The following DPYSL5 variants were observed in gnomAD, a reference collection of about 807,000 sequenced individuals.
DPYSL5 encodes the protein dihydropyrimidinase-related protein 5.
DPYSL5 carries 9 observed loss-of-function variants against 58.4 expected under a neutral mutation model. The ratio of observed to expected loss-of-function variants is 0.15; its 90% CI spans 0.09 to 0.27. DPYSL5 has a LOEUF of 0.27. Ranked by LOEUF, DPYSL5 falls within the 10% of genes least tolerant of loss-of-function variation. The pLI is 1.00. For missense variants in DPYSL5, 499 were observed against 770.6 expected (o/e 0.65, Z 4.17); for synonymous variants, 293 against 301.9 (o/e 0.97, Z 0.31).
intron 1 of DPYSL5, among the ~76,000 whole-genome samples, chr2:26,873,186 G>T (rs867979590): frequency 3.3e-5 from 5 of 152,010 alleles, no homozygotes; most frequent in Non-Finnish European, 5.9e-5. Flanking sequence ...CATTGTTGAG[G>T]TATAATTTAT....
chr2:26,881,961 G>T (rs1161493898), intron 1 of DPYSL5, among the ~76,000 whole-genome samples: 1 of 151,686 alleles, frequency 6.6e-6, no homozygotes, highest in Non-Finnish European at 1.5e-5. Flanking sequence ...CATGGTGGTG[G>T]GCACCTGCAG....
chr2:26,858,671 C>A (rs904590884), intron 1 of DPYSL5, among the ~76,000 whole-genome samples: 1 of 151,180 alleles, frequency 6.6e-6, no homozygotes, highest in African/African-American at 2.4e-5. Flanking sequence ...TCAAGCAATC[C>A]TCTCACCTCA....
At position 26,924,956 on chromosome 2, in the gene DPYSL5, G is replaced by A. The variant is rs773199523; in HGVS notation, c.331G>A (p.Asp111Asn). 2 of 1,614,164 alleles carry A rather than the reference G, an allele frequency of 1.2e-6. No individual in the cohort carries two copies. The highest frequency in any genetic ancestry group is 2.2e-5 in the South Asian group (2 of 91,080). The change falls in exon 3 of 13, where the codon GAC (aspartate) becomes AAC (asparagine). Residue 111 changes from aspartate (D) to asparagine (N), a missense_variant. Around this residue, in one of 3 missense-constraint regions of DPYSL5, gnomAD observed 404 missense variants for 647.6 expected, o/e 0.62. Coordinates refer to ENST00000288699, the MANE Select transcript of DPYSL5 (RefSeq NM_020134.4). This position sits in a 1 kb window ranked among gnomAD's most constrained non-coding sequence, Gnocchi z 4.7. Reference sequence around the variant, plus strand: ...GCCCGACAAGGAGACCTCCCTTGTGGACGCTTATGAGAAGTGCCGAGGTCT... The same window carrying A: ...GCCCGACAAGGAGACCTCCCTTGTGAACGCTTATGAGAAGTGCCGAGGTCT... Reference protein sequence around the residue: ...VLPDKETSLVDAYEKCRGLAD... With the variant: ...VLPDKETSLVNAYEKCRGLAD...
intron 8 of DPYSL5, among the ~76,000 whole-genome samples, chr2:26,937,095 C>T (rs1665199638): frequency 6.6e-6 from 1 of 152,040 alleles, no homozygotes. Flanking sequence ...CTGCTTGCTA[C>T]AAGCAAATTT....
At chr2:26,863,669 G>T (rs1235235803) in intron 1 of DPYSL5, among the ~76,000 whole-genome samples, 1 of 152,002 alleles carries the variant, frequency 6.6e-6, no homozygotes, top group Non-Finnish European at 1.5e-5. Flanking sequence ...CCACATTTTT[G>T]CCACCCCAAA....
intron 1 of DPYSL5, among the ~76,000 whole-genome samples, chr2:26,865,116 C>T (rs1666108771): frequency 6.6e-6 from 1 of 152,082 alleles, no homozygotes; most frequent in Non-Finnish European, 1.5e-5. Context: ...AAACTGTGTG[C>T]ATAAATGCAA....
Position 26,884,520 on chromosome 2 carries a change from TCACACACACACA to T in DPYSL5, c.-4-13952_-4-13941del, listed in dbSNP as rs3070961. Among the ~76,000 whole-genome samples, 16 of 145,632 alleles carry T rather than the reference TCACACACACACA, an allele frequency of 1.1e-4. No homozygotes were observed. The East Asian group carries it at 1.6e-3, about 15-fold the overall frequency. On this transcript the variant is annotated intron_variant, in intron 1 of 12. Transcript: ENST00000288699. ...AACGCACAGCTAAGCTTGTCCTATCTCACACACACACACACACACACACACACACACACACTC... is the reference window on the plus strand; with the variant it reads ...AACGCACAGCTAAGCTTGTCCTATCTCACACACACACACACACACACACTC...
At position 26,925,678 on chromosome 2, in the gene DPYSL5, G is replaced by A. The variant is rs1048124734; in HGVS notation, c.420+633G>A. Reference sequence around the variant, plus strand: ...CCTCTGGCTTTCCTGTCCTCCCCCTGCCCAGGCCCCAGGGTCAGAGTCCAG... The same window carrying A: ...CCTCTGGCTTTCCTGTCCTCCCCCTACCCAGGCCCCAGGGTCAGAGTCCAG... On this transcript the variant is annotated intron_variant, in intron 3 of 12. Transcript: ENST00000288699. This position sits in a 1 kb window ranked among gnomAD's most constrained non-coding sequence, Gnocchi z 4.5. 6.6e-6 allele frequency among the ~76,000 whole-genome samples: 1 copy of A among 152,084 alleles called. No homozygotes were observed. The highest frequency in any genetic ancestry group is 1.5e-5 in the Non-Finnish European group (1 of 68,018).
chr2:26,935,711 T>C (rs1029768104), intron 8 of DPYSL5, among the ~76,000 whole-genome samples: 1 of 120,432 alleles, frequency 8.3e-6, no homozygotes, highest in Non-Finnish European at 1.8e-5. Context: ...AAAAAAAAAA[T>C]TGGGGGAGAA....
chr2:26,931,035 A>G (rs1664958908), intron 5 of DPYSL5, among the ~76,000 whole-genome samples: 1 of 148,378 alleles, frequency 6.7e-6, no homozygotes, highest in Non-Finnish European at 1.5e-5. Flanking sequence ...GCTGCTCAGG[A>G]GTCTGAGGTG....
At chr2:26,866,681 CTAT>C (rs1286008815) in intron 1 of DPYSL5, among the ~76,000 whole-genome samples, 1 of 151,650 alleles carries the variant, frequency 6.6e-6, no homozygotes, top group African/African-American at 2.4e-5. Flanking sequence ...ATATGTACAA[CTAT>C]GATATATCCA....
chr2:26,904,108 C>A (rs1369496166), intron 2 of DPYSL5, among the ~76,000 whole-genome samples: 1 of 152,202 alleles, frequency 6.6e-6, no homozygotes, highest in Non-Finnish European at 1.5e-5. Context: ...TAGGGGACAG[C>A]CAGTCTCGCA....
chr2:26,945,535 C>T (rs1173167897), intron 12 of DPYSL5, among the ~76,000 whole-genome samples: 3 of 146,358 alleles, frequency 2.0e-5, no homozygotes, highest in South Asian at 2.3e-4. Context: ...CATCACCATG[C>T]GAGCCACGGG....
rs1003585490 is a variant in DPYSL5, at chr2:26,924,214, A to T, written c.262-673A>T. On this transcript the variant is annotated intron_variant, in intron 2 of 12. Transcript: ENST00000288699. The surrounding 1 kb of genome is among the most constrained non-coding windows in gnomAD (Gnocchi z 4.7). ...GGAGTTGTGAATAGGATCCGTTTTC[A>T]CTGATAAATCACACATGCATCTAAA... 4.6e-5 allele frequency among the ~76,000 whole-genome samples: 7 copies of T among 152,190 alleles called. No individual in the cohort carries two copies. Among genetic ancestry groups the T allele is most frequent in the African/African-American group, 1.7e-4 (7 of 41,446 alleles).
At chr2:26,885,177 T>C (rs1338674340) in intron 1 of DPYSL5, among the ~76,000 whole-genome samples, 1 of 151,996 alleles carries the variant, frequency 6.6e-6, no homozygotes, top group Admixed American at 6.6e-5. Flanking sequence ...CCAGCCTGGG[T>C]GACAGAGCAA....
Position 26,870,546 on chromosome 2 carries a change from G to A in DPYSL5, c.-5+22292G>A, listed in dbSNP as rs75993452. 8.3e-3 allele frequency among the ~76,000 whole-genome samples: 1,265 copies of A among 151,970 alleles called. 22 individuals are homozygous for A. The highest frequency in any genetic ancestry group is 0.03 in the African/African-American group (1,225 of 41,418). ...ACCATTATTAGGCTTTGATATTAGG[G>A]TTATATTGGTTTTATAAAATGAATT... On this transcript the variant is annotated intron_variant, in intron 1 of 12. Coordinates refer to ENST00000288699, the MANE Select transcript of DPYSL5 (RefSeq NM_020134.4).
chr2:26,931,203 G>GTGTGTATGTATA (rs1474347605), intron 5 of DPYSL5, among the ~76,000 whole-genome samples: 4 of 44,934 alleles, frequency 8.9e-5, no homozygotes, highest in African/African-American at 3.2e-4. Flanking sequence ...GTGTGTGTGT[G>GTGTGTATGTATA]TATATATATA....
chr2:26,928,027 A>G (rs975975629), intron 4 of DPYSL5, among the ~76,000 whole-genome samples: 5 of 152,200 alleles, frequency 3.3e-5, no homozygotes, highest in African/African-American at 1.2e-4. Flanking sequence ...TTTTAAGAGA[A>G]CAAGATATGT....
chr2:26,862,373 C>T (rs2148111021), intron 1 of DPYSL5, among the ~76,000 whole-genome samples: 1 of 152,310 alleles, frequency 6.6e-6, no homozygotes, highest in African/African-American at 2.4e-5. Flanking sequence ...GCCTGAAGTG[C>T]TCTCACTTGG....
Sources: gnomAD v4.1 joint callset for allele counts (sites outside exome capture counted in the v4.1 genomes callset) on GRCh38, gnomAD v4.1.1 for gene constraint, gnomAD v4.1.1 regional missense constraint, Gnocchi (gnomAD v3.1) non-coding constraint, MANE v1.5 for transcripts, NCBI Gene and HGNC (gene_info 2026-07-23, HGNC 2026-07-21) for gene names.